ALG13: variants seen among roughly 807,000 people sequenced by gnomAD.
ALG13 encodes UDP-N-acetylglucosamine transferase subunit ALG13.
ALG13 carries 11 observed loss-of-function variants against 87.8 expected under a neutral mutation model. That is an observed-to-expected ratio of 0.13 (90% CI 0.08 to 0.21). The LOEUF is 0.21. Ranked by LOEUF, ALG13 falls within the 10% of genes least tolerant of loss-of-function variation. ALG13 has a pLI of 1.00. For synonymous variants in ALG13, 320 were observed against 306.3 expected (o/e 1.04, Z -0.47); for missense variants, 756 against 866.1 (o/e 0.87, Z 1.60).
At chrX:111,708,790 C>T (rs1344415761) in intron 4 of ALG13, among the ~76,000 whole-genome samples, 175 bp from the exon 5 acceptor site, 2 of 111,574 alleles carry the variant, frequency 1.8e-5, no homozygotes, top group Admixed American at 9.5e-5. Context: ...AGTCATCCTT[C>T]CCCCATTTCG....
intron 23 of ALG13, among the ~76,000 whole-genome samples, chrX:111,738,167 T>G (rs1191360545): frequency 1.8e-5 from 2 of 111,999 alleles, no homozygotes; most frequent in African/African-American, 3.2e-5. Context: ...AAATCAGAAT[T>G]AGAAAAACTC....
intron 23 of ALG13, 184 bp downstream of exon 23, chrX:111,737,063 T>A: frequency 2.6e-6 from 1 of 382,388 alleles, no homozygotes; most frequent in Non-Finnish European, 4.2e-6. Flanking sequence ...TCAAGTTTAT[T>A]CTTGAAAATT....
chrX:111,746,948 G>A (rs1299224981), intron 24 of ALG13, among the ~76,000 whole-genome samples: 10 of 111,266 alleles, frequency 9.0e-5, no homozygotes, highest in African/African-American at 3.3e-4. Flanking sequence ...TGAGAGGAAG[G>A]CATAGGGATT....
At chrX:111,733,563 C>T (rs1942937568) in intron 21 of ALG13, among the ~76,000 whole-genome samples, 1 of 111,651 alleles carries the variant, frequency 9.0e-6, no homozygotes, top group Admixed American at 9.5e-5. Context: ...GGGCTGGTTC[C>T]ATATTCTTGC....
intron 10 of ALG13, 60 bp from the exon 11 acceptor site, chrX:111,720,035 C>T: frequency 1.2e-6 from 1 of 854,455 alleles, no homozygotes; most frequent in East Asian, 3.4e-5. Flanking sequence ...AGTCATTAGG[C>T]TTAACATAAG....
rs755063105 is a variant in ALG13 at position 111,744,989 on chromosome X, G to A, written c.2932+85G>A. 4.9e-5 allele frequency: 39 copies of A among 802,313 alleles called. No individual in the cohort carries two copies. The African/African-American group carries it at 7.8e-4, about 16-fold the overall frequency. The allele number at this position is 802,313 out of a possible 1,213,427, so 66.1% of individuals were successfully genotyped here. The stretch of plus-strand genomic sequence containing the variant: ...TATCTCTCTTTGGTTGACCTATTGG[G>A]GAATGGGGAACCAAATGAAAATTGA... On this transcript the variant is annotated intron_variant, in intron 24 of 26. Transcript: ENST00000394780.
chrX:111,714,738 A>G (rs979122832), intron 8 of ALG13, among the ~76,000 whole-genome samples: 1 of 111,684 alleles, frequency 9.0e-6, no homozygotes, highest in African/African-American at 3.3e-5. Flanking sequence ...TTCTTATCAC[A>G]TATCTATTCC....
At chrX:111,724,178 C>T (rs969502240) in intron 14 of ALG13, among the ~76,000 whole-genome samples, 1 of 111,974 alleles carries the variant, frequency 8.9e-6, no homozygotes, top group Non-Finnish European at 1.9e-5. Context: ...ATAGTAATTG[C>T]AAAGTTGAAT....
At chrX:111,753,643 C>T (rs1256836819) in intron 25 of ALG13, among the ~76,000 whole-genome samples, 1 of 111,898 alleles carries the variant, frequency 8.9e-6, no homozygotes, top group Non-Finnish European at 1.9e-5. Context: ...ATACTATAAA[C>T]ACCTCTATGC....
intron 1 of ALG13, chrX:111,681,666 T>G: frequency 1.9e-5 from 17 of 893,272 alleles, no homozygotes; most frequent in Non-Finnish European, 2.3e-5. Context: ...CAGTTTTTCC[T>G]CAGGCCCCCC....
At chrX:111,682,379 G>C in intron 2 of ALG13, 85 bp downstream of exon 2, 1 of 775,997 alleles carries the variant, frequency 1.3e-6, no homozygotes, top group Non-Finnish European at 1.8e-6. Context: ...TACATGTGCA[G>C]GATGTGCGGG....
intron 3 of ALG13, among the ~76,000 whole-genome samples, chrX:111,703,402 A>G (rs1449088277): frequency 9.0e-6 from 1 of 111,709 alleles, no homozygotes; most frequent in Admixed American, 9.5e-5. Context: ...AAATTTAAAT[A>G]CAGTAAAATT....
At chrX:111,712,634 T>G (rs1939968027) in intron 7 of ALG13, 104 bp downstream of exon 7, 1 of 406,401 alleles carries the variant, frequency 2.5e-6, no homozygotes, top group East Asian at 4.0e-5. Flanking sequence ...TTTGATGTAT[T>G]GATACCTAGA....
At chrX:111,705,740 T>C (rs1456726049) in intron 3 of ALG13, among the ~76,000 whole-genome samples, 1 of 111,667 alleles carries the variant, frequency 9.0e-6, no homozygotes, top group Non-Finnish European at 1.9e-5. Flanking sequence ...TTTGCACCTT[T>C]GTCAAAAATC....
intron 6 of ALG13, among the ~76,000 whole-genome samples, 189 bp from the exon 7 acceptor site, chrX:111,712,295 C>T (rs1264424891): frequency 1.8e-5 from 2 of 111,074 alleles, no homozygotes. Flanking sequence ...GCTTTAGATC[C>T]TTCTTTCAGG....
At chrX:111,719,025 C>CT (rs1174274292) in intron 10 of ALG13, among the ~76,000 whole-genome samples, 933 of 82,296 alleles carry the variant, frequency 0.011, 10 homozygotes, top group East Asian at 0.069. Context: ...AATTTTTTTT[C>CT]TTTTTTTTTT....
chrX:111,702,224 T>C (rs151234299), intron 3 of ALG13, among the ~76,000 whole-genome samples: 1 of 111,940 alleles, frequency 8.9e-6, no homozygotes, highest in East Asian at 2.8e-4. Flanking sequence ...GTTTCCTAAT[T>C]GATTTTCTGT....
At chrX:111,756,886 C>T (rs1007966429) in intron 25 of ALG13, among the ~76,000 whole-genome samples, 2 of 111,495 alleles carry the variant, frequency 1.8e-5, no homozygotes, top group African/African-American at 6.5e-5. Context: ...AACCGCTTGC[C>T]CCTTCTGTTA....
At chrX:111,688,090 C>T in intron 3 of ALG13, 1 of 867,523 alleles carries the variant, frequency 1.2e-6, no homozygotes, top group Non-Finnish European at 1.4e-6. Flanking sequence ...TATATATTTA[C>T]AAAATAATAT....
Sources: gnomAD v4.1 joint callset for allele counts (sites outside exome capture counted in the v4.1 genomes callset) on GRCh38, gnomAD v4.1.1 for gene constraint, MANE v1.5 for transcripts, NCBI Gene and HGNC (gene_info 2026-07-23, HGNC 2026-07-21) for gene names.